The following MVB12B variants were observed in gnomAD, a reference collection of about 807,000 sequenced individuals.
MVB12B encodes the protein ESCRT-I complex subunit MVB12B.
MVB12B carries 16 observed loss-of-function variants against 41.6 expected under a neutral mutation model. The observed-to-expected ratio is 0.38, with a 90% CI of 0.26 to 0.58. The LOEUF (loss-of-function observed/expected upper bound fraction) is 0.58. Ranked by LOEUF, MVB12B falls within the 20% of genes least tolerant of loss-of-function variation. The probability of loss-of-function intolerance (pLI) is 0.62; values close to 1 mark genes in which losing one functional copy is unlikely to be tolerated. For missense variants in MVB12B, 274 were observed against 380.2 expected (o/e 0.72, Z 2.32); for synonymous variants, 133 against 139.7 (o/e 0.95, Z 0.34).
intron 6 of MVB12B, among the ~76,000 whole-genome samples, chr9:126,406,686 A>C (rs2119040414): frequency 6.6e-6 from 1 of 152,324 alleles, no homozygotes; most frequent in Non-Finnish European, 1.5e-5. Context: ...CTGGTCCCAG[A>C]CTTGGCTTTT....
intron 6 of MVB12B, among the ~76,000 whole-genome samples, chr9:126,399,156 G>A (rs753327867): frequency 4.6e-5 from 7 of 152,182 alleles, no homozygotes; most frequent in Non-Finnish European, 1.0e-4. Context: ...CCAGTGAGTT[G>A]GTGGCTAAGG....
At chr9:126,429,779 A>G (rs561768098) in intron 7 of MVB12B, among the ~76,000 whole-genome samples, 3 of 152,350 alleles carry the variant, frequency 2.0e-5, no homozygotes, top group Non-Finnish European at 1.5e-5. Context: ...CAGCGTGTGC[A>G]GGCAGACACA....
intron 7 of MVB12B, among the ~76,000 whole-genome samples, chr9:126,467,092 C>G (rs1470015909): frequency 6.6e-6 from 1 of 152,088 alleles, no homozygotes; most frequent in Non-Finnish European, 1.5e-5. Flanking sequence ...CCTCGGCCTG[C>G]CAAAGTGCTG....
At chr9:126,404,771 G>A (rs576439975) in intron 6 of MVB12B, among the ~76,000 whole-genome samples, 55 of 152,362 alleles carry the variant, frequency 3.6e-4, no homozygotes, top group African/African-American at 1.3e-3. Flanking sequence ...TCGCTTTGAA[G>A]CGGGCGTTTA....
rs1588221113 is a variant in MVB12B at position 126,505,235 on chromosome 9, A to G, written c.*1972A>G. On this transcript the variant is annotated 3_prime_UTR_variant, in exon 10 of 10. Coordinates refer to ENST00000361171, the MANE Select transcript of MVB12B (RefSeq NM_033446.3). The stretch of plus-strand genomic sequence containing the variant: ...AAGAGGCCTGTGGCAGCGCCGCTGG[A>G]CCCTAGGAGGCTCAGAGGCAGTGGT... The G allele has an allele frequency of 6.6e-6, 1 of 152,102 alleles. No homozygotes were observed. Among genetic ancestry groups the G allele is most frequent in the Non-Finnish European group, 1.5e-5 (1 of 67,992 alleles). 9.4% of individuals were successfully genotyped at this position (152,102 alleles called of 1,614,324 possible).
At position 126,503,440 on chromosome 9, in the gene MVB12B, G is replaced by A. The variant is rs918496218; in HGVS notation, c.*177G>A. 9 of 602,810 alleles carry A rather than the reference G, an allele frequency of 1.5e-5. No homozygotes were observed. The highest frequency in any genetic ancestry group is 2.7e-5 in the Non-Finnish European group (9 of 339,468). The allele number at this position is 602,810 out of a possible 1,614,324, so 37.3% of individuals were successfully genotyped here. A position where few individuals can be genotyped will look rare whatever the true frequency, so the allele number is the denominator to read the frequency against. On this transcript the variant is annotated 3_prime_UTR_variant, in exon 10 of 10. Transcript: ENST00000361171. ...CATCCTGTCTTCAGCTGGCCTCACTGACACCCCGGCCTCCCTGGGGACATT... is the reference window on the plus strand; with the variant it reads ...CATCCTGTCTTCAGCTGGCCTCACTAACACCCCGGCCTCCCTGGGGACATT...
In MVB12B at chr9:126,340,614, C is replaced by A; in HGVS notation, c.188C>A (p.Pro63Gln). ...GTGGTGGCTTCTCGGAACCGAGCCCCGACAGGCTATGACGTAGTAAGTCAA... is the reference window on the plus strand; with the variant it reads ...GTGGTGGCTTCTCGGAACCGAGCCCAGACAGGCTATGACGTAGTAAGTCAA... ...VGVVASRNRA[P>Q]TGYDVVAQTA... The change falls in exon 2 of 10, where the codon CCG (proline) becomes CAG (glutamine). Residue 63 changes from proline (P) to glutamine (Q), a missense_variant. Transcript: ENST00000361171. The surrounding 1 kb of genome is among the most constrained non-coding windows in gnomAD (Gnocchi z 4.0). 1 of 1,614,074 alleles carries A rather than the reference C, an allele frequency of 6.2e-7. No individual in the cohort carries two copies. The highest frequency in any genetic ancestry group is 8.5e-7 in the Non-Finnish European group (1 of 1,179,972).
chr9:126,413,404 T>A (rs1306513684), intron 6 of MVB12B, among the ~76,000 whole-genome samples: 1 of 152,162 alleles, frequency 6.6e-6, no homozygotes, highest in African/African-American at 2.4e-5. Flanking sequence ...AAGATGCATA[T>A]GACAGGTACA....
intron 6 of MVB12B, among the ~76,000 whole-genome samples, chr9:126,406,428 A>C (rs1203679243): frequency 1.3e-5 from 2 of 152,256 alleles, no homozygotes; most frequent in Non-Finnish European, 2.9e-5. Flanking sequence ...GATGTGCTGC[A>C]TTCAGTCCAG....
rs770075336 is a variant in MVB12B, at chr9:126,486,514, C to A, written c.873+2482C>A. 6.6e-6 allele frequency among the ~76,000 whole-genome samples: 1 copy of A among 152,228 alleles called. No homozygotes were observed. The highest frequency in any genetic ancestry group is 1.5e-5 in the Non-Finnish European group (1 of 68,042). On this transcript the variant is annotated intron_variant, in intron 9 of 9. Transcript: ENST00000361171. The surrounding 1 kb of genome is among the most constrained non-coding windows in gnomAD (Gnocchi z 4.7). ...TGGGGTCACGGCAGAACCTGTCTCA[C>A]GGGGTGCTTTGTGATGCCAAATGGA...
At chr9:126,344,926 C>T (rs1382301985) in intron 2 of MVB12B, among the ~76,000 whole-genome samples, 2 of 152,186 alleles carry the variant, frequency 1.3e-5, no homozygotes, top group African/African-American at 4.8e-5. Context: ...GAGGACAGAA[C>T]CCTCAGAACC....
Position 126,386,452 on chromosome 9 carries a change from A to AT in MVB12B, c.313-109dup, listed in dbSNP as rs1830796151. On this transcript the variant is annotated intron_variant, in intron 3 of 9. Transcript: ENST00000361171. The surrounding 1 kb of genome is among the most constrained non-coding windows in gnomAD (Gnocchi z 4.3). ...CACCTACTCTAATTAACCTGCTGTCATAAAGCTGCACGAGTCATTGTGTTA... is the reference window on the plus strand; with the variant it reads ...CACCTACTCTAATTAACCTGCTGTCATTAAAGCTGCACGAGTCATTGTGTTA... 8 of 707,928 alleles carry AT rather than the reference A, an allele frequency of 1.1e-5. No homozygotes were observed. The South Asian group carries it at 1.3e-4, about 12-fold the overall frequency. The allele number at this position is 707,928 out of a possible 1,614,324, so 43.9% of individuals were successfully genotyped here.
chr9:126,384,268 C>A (rs1024215921), intron 3 of MVB12B, among the ~76,000 whole-genome samples: 2 of 152,034 alleles, frequency 1.3e-5, no homozygotes, highest in African/African-American at 4.8e-5. Context: ...CGAGGCCCAG[C>A]TACCTGGAAT....
intron 7 of MVB12B, among the ~76,000 whole-genome samples, chr9:126,450,899 C>T (rs923666258): frequency 6.6e-6 from 1 of 152,160 alleles, no homozygotes; most frequent in South Asian, 2.1e-4. Context: ...ACCCTGTATC[C>T]CAGGGATGTC....
At chr9:126,440,816 G>C (rs752961698) in intron 7 of MVB12B, among the ~76,000 whole-genome samples, 1 of 152,166 alleles carries the variant, frequency 6.6e-6, no homozygotes, top group Non-Finnish European at 1.5e-5. Flanking sequence ...TTCATAATTG[G>C]ACATTTCTTC....
rs11795243 is a variant in MVB12B, at chr9:126,340,810, C to T, written c.204+180C>T. On this transcript the variant is annotated intron_variant, in intron 2 of 9. Coordinates refer to ENST00000361171, the MANE Select transcript of MVB12B (RefSeq NM_033446.3). This position sits in a 1 kb window ranked among gnomAD's most constrained non-coding sequence, Gnocchi z 4.0. ...TCAGAAGACCTGAGCCCATCTGGGC[C>T]GTTTCCTGGCCTTGACCACCTCTGT... Among the ~76,000 whole-genome samples, 1,874 of 152,280 alleles carry T rather than the reference C, an allele frequency of 0.012. 26 individuals carry two copies. Among genetic ancestry groups the T allele is most frequent in the South Asian group, 0.028 (133 of 4,826 alleles).
rs1832028924 is a variant in MVB12B at position 126,421,851 on chromosome 9, C to T, written c.663-3C>T. On this transcript the variant is annotated splice_region_variant and splice_polypyrimidine_tract_variant and intron_variant, in intron 6 of 9. Transcript: ENST00000361171. ...TCCTTTCTCTCGTCCTTCTCTTCCT[C>T]AGGCACATCTCCCTAACACTTCCTG... is the stretch of plus-strand genomic sequence containing the variant. 6.2e-7 allele frequency: 1 copy of T among 1,611,914 alleles called. No individual in the cohort carries two copies. Among genetic ancestry groups the T allele is most frequent in the Admixed American group, 1.7e-5 (1 of 60,006 alleles).
At position 126,346,210 on chromosome 9, in the gene MVB12B, G is replaced by A. The variant is rs148104924; in HGVS notation, c.204+5580G>A. 8.1e-4 allele frequency among the ~76,000 whole-genome samples: 123 copies of A among 152,360 alleles called. No individual in the cohort carries two copies. The East Asian group carries it at 0.017, about 21-fold the overall frequency. ...AGGATAAGCAGTGAGGCAGGTGGGCGTGTGTGGAGGCTGTGAATTCGTGCA... is the reference window on the plus strand; with the variant it reads ...AGGATAAGCAGTGAGGCAGGTGGGCATGTGTGGAGGCTGTGAATTCGTGCA... On this transcript the variant is annotated intron_variant, in intron 2 of 9. Coordinates refer to ENST00000361171, the MANE Select transcript of MVB12B (RefSeq NM_033446.3).
At chr9:126,377,746 G>C (rs774647712) in intron 2 of MVB12B, among the ~76,000 whole-genome samples, 1 of 152,082 alleles carries the variant, frequency 6.6e-6, no homozygotes, top group Non-Finnish European at 1.5e-5. Flanking sequence ...GATGTTCCTC[G>C]TACAAGTATA....
Sources: gnomAD v4.1 joint callset for allele counts (sites outside exome capture counted in the v4.1 genomes callset) on GRCh38, gnomAD v4.1.1 for gene constraint, Gnocchi (gnomAD v3.1) non-coding constraint, MANE v1.5 for transcripts, NCBI Gene and HGNC (gene_info 2026-07-23, HGNC 2026-07-21) for gene names.